The following ESR2 variants were observed in gnomAD, a reference collection of about 807,000 sequenced individuals.
ESR2 encodes estrogen receptor beta.
In ESR2, 36 loss-of-function variants were observed where a neutral mutation model predicts 49.6. The ratio of observed to expected loss-of-function variants is 0.73; its 90% CI spans 0.56 to 0.96. The LOEUF is 0.96. ESR2 is among the 40% of genes least tolerant of loss of function. ESR2 has a pLI of 0.00. For missense variants in ESR2, 714 were observed against 693.0 expected, an observed-to-expected ratio of 1.03 and a Z score of -0.34; for synonymous variants, 320 against 266.1, an observed-to-expected ratio of 1.20 and a Z score of -1.97.
At chr14:64,327,059 A>C (rs1359242557) in intron 1 of ESR2, among the ~76,000 whole-genome samples, 1 of 152,192 alleles carries the variant, frequency 6.6e-6, no homozygotes, top group Admixed American at 6.5e-5. Context: ...GAAAATATTC[A>C]TGGTTCCTTG....
chr14:64,310,066 A>C (rs2077166831), intron 1 of ESR2, among the ~76,000 whole-genome samples: 1 of 151,944 alleles, frequency 6.6e-6, no homozygotes, highest in Non-Finnish European at 1.5e-5. Flanking sequence ...AGCCTGGGCG[A>C]CAGAGCGAGA....
intron 7 of ESR2, among the ~76,000 whole-genome samples, chr14:64,244,063 G>T (rs2075797989): frequency 6.6e-6 from 1 of 151,992 alleles, no homozygotes; most frequent in African/African-American, 2.4e-5. Context: ...TTATTTCTGG[G>T]TATGTCTGTG....
chr14:64,227,488 A>G (rs754826501), downstream of ESR2: 2 of 1,601,910 alleles, frequency 1.2e-6, no homozygotes, highest in South Asian at 1.1e-5. Context: ...TGAAGTGAAA[A>G]TGTTACCCAA....
intron 1 of ESR2, among the ~76,000 whole-genome samples, chr14:64,302,442 C>A (rs1216265294): frequency 6.6e-6 from 1 of 152,018 alleles, no homozygotes; most frequent in African/African-American, 2.4e-5. Context: ...CCGCCTCGGC[C>A]TCCCAAAGTG....
intron 4 of ESR2, among the ~76,000 whole-genome samples, chr14:64,263,803 G>C (rs759240800): frequency 8.5e-5 from 13 of 152,134 alleles, no homozygotes; most frequent in Non-Finnish European, 1.5e-4. Flanking sequence ...AGAGCAAAAA[G>C]TCAGAATGCA....
chr14:64,268,847 G>A lies in ESR2; in HGVS notation c.600C>T (p.Ser200=). The A allele has an allele frequency of 6.2e-7, 1 of 1,613,952 alleles. No individual in the cohort carries two copies. ...QCTIDKNRRK[S]CQACRLRKCY... ...ACTTCCGAAGTCGGCAGGCCTGGCAGCTCTTGCGCCGGTTTTTATCGATTG... is the reference window on the plus strand; with the variant it reads ...ACTTCCGAAGTCGGCAGGCCTGGCAACTCTTGCGCCGGTTTTTATCGATTG... Residue 200 remains serine (S), a synonymous_variant, in exon 4 of 9, where the codon AGC becomes AGT. Transcript: ENST00000341099.
intron 1 of ESR2, among the ~76,000 whole-genome samples, chr14:64,320,400 C>CA (rs942640407): frequency 2.9e-4 from 41 of 141,338 alleles, no homozygotes; most frequent in South Asian, 6.7e-4. Flanking sequence ...ACATCCATCT[C>CA]AAAAAAAAAA....
At chr14:64,259,343 C>T (rs887161813) in intron 5 of ESR2, among the ~76,000 whole-genome samples, 2 of 152,244 alleles carry the variant, frequency 1.3e-5, no homozygotes, top group African/African-American at 4.8e-5. Context: ...CCCAGCTTCT[C>T]ACCCCTCCTC....
downstream of ESR2, chr14:64,227,237 G>GTAGA: frequency 9.5e-6 from 4 of 421,734 alleles, no homozygotes; most frequent in South Asian, 1.2e-4. Flanking sequence ...AAGCTCATCA[G>GTAGA]TAGATGAAGC....
At chr14:64,228,040 C>G, downstream of ESR2, 1 of 1,460,916 alleles carries the variant, frequency 6.8e-7, no homozygotes, top group Non-Finnish European at 9.0e-7. Context: ...CTTGTATACA[C>G]AGGACCTGTG....
chr14:64,250,026 A>G (rs146537619), intron 6 of ESR2, among the ~76,000 whole-genome samples: 84 of 152,358 alleles, frequency 5.5e-4, no homozygotes, highest in African/African-American at 1.7e-3. Flanking sequence ...AATCAAAACC[A>G]TATCAGTCAA....
chr14:64,256,613 C>T (rs1013049206), intron 6 of ESR2, among the ~76,000 whole-genome samples: 3 of 151,980 alleles, frequency 2.0e-5, no homozygotes, highest in Admixed American at 6.6e-5. Flanking sequence ...CCTGTGATCC[C>T]AACTACTTGA....
chr14:64,337,676 T>C (rs533373226), intron 1 of ESR2: 1 of 152,290 alleles, frequency 6.6e-6, no homozygotes, highest in East Asian at 1.9e-4. Context: ...TTGATAAAAC[T>C]GTTAATCAAA....
chr14:64,282,715 C>A lies in ESR2; in HGVS notation c.271G>T (p.Val91Phe). The stretch of plus-strand genomic sequence containing the variant: ...TACAGATGTGATAACTGGCGATGGA[C>A]CACTAAAGGAGAAAGGTGCCCAGGT... ...PTPGHLSPLVVHRQLSHLYAE... is the reference protein window; with the variant it reads ...PTPGHLSPLVFHRQLSHLYAE... The change falls in exon 2 of 9, where the codon GTC (valine) becomes TTC (phenylalanine). Residue 91 changes from valine to phenylalanine, a missense_variant. Transcript: ENST00000341099. 1 of 1,614,192 alleles carries A rather than the reference C, an allele frequency of 6.2e-7. No individual in the cohort carries two copies. Among genetic ancestry groups the A allele is most frequent in the East Asian group, 2.2e-5 (1 of 44,884 alleles).
At chr14:64,276,788 A>C (rs1285546674) in intron 3 of ESR2, among the ~76,000 whole-genome samples, 8 of 152,246 alleles carry the variant, frequency 5.3e-5, no homozygotes, top group African/African-American at 1.9e-4. Flanking sequence ...GTCTCTGGAA[A>C]TTTAACAACA....
chr14:64,233,395 T>G, intron 8 of ESR2, 72 bp from the exon 9 acceptor site: 1 of 1,484,356 alleles, frequency 6.7e-7, no homozygotes, highest in Non-Finnish European at 9.3e-7. Flanking sequence ...CTTCCCCGGC[T>G]CTCTTTGCTC....
chr14:64,248,165 G>A (rs917728498), intron 7 of ESR2, among the ~76,000 whole-genome samples: 6 of 152,028 alleles, frequency 3.9e-5, no homozygotes, highest in African/African-American at 1.5e-4. Context: ...CTGCATTCCA[G>A]CCTGGGCAAC....
intron 6 of ESR2, among the ~76,000 whole-genome samples, chr14:64,256,112 C>T (rs1265733592): frequency 6.6e-6 from 1 of 152,186 alleles, no homozygotes; most frequent in Non-Finnish European, 1.5e-5. Context: ...TGTGGCTGAA[C>T]ATTCAACCTA....
At chr14:64,334,191 G>C (rs2077500277) in intron 1 of ESR2, among the ~76,000 whole-genome samples, 1 of 152,116 alleles carries the variant, frequency 6.6e-6, no homozygotes, top group Non-Finnish European at 1.5e-5. Context: ...TGTCCTAAAG[G>C]GGAGTGTGTT....
Sources: gnomAD v4.1 joint callset for allele counts (sites outside exome capture counted in the v4.1 genomes callset) on GRCh38, gnomAD v4.1.1 for gene constraint, MANE v1.5 for transcripts, NCBI Gene and HGNC (gene_info 2026-07-23, HGNC 2026-07-21) for gene names.